The following RPUSD3 variants were observed in gnomAD, a reference collection of about 807,000 sequenced individuals.
RPUSD3 encodes the protein RNA pseudouridine synthase D3, also known as mitochondrial mRNA pseudouridine synthase RPUSD3.
A neutral mutation model predicts 35.1 loss-of-function variants in RPUSD3; 36 were observed. That is an observed-to-expected ratio of 1.02 (90% CI 0.79 to 1.35). The LOEUF is 1.35. RPUSD3 is among the 40% of genes most tolerant of loss of function. The pLI, the probability that RPUSD3 is intolerant of heterozygous loss-of-function variation, is 0.00. For missense variants in RPUSD3, 486 were observed against 441.9 expected, an observed-to-expected ratio of 1.10 and a Z score of -0.89; for synonymous variants, 202 against 187.8, an observed-to-expected ratio of 1.08 and a Z score of -0.62.
chr3:9,840,654 C>A, intron 5 of RPUSD3, 38 bp from the exon 6 acceptor site: 1 of 1,611,898 alleles, frequency 6.2e-7, no homozygotes, highest in Non-Finnish European at 8.5e-7. Context: ...GGGTGGCTTG[C>A]TGGGACCTCC....
At chr3:9,843,728 G>C in intron 1 of RPUSD3, 127 bp from the exon 2 acceptor site, 1 of 1,541,668 alleles carries the variant, frequency 6.5e-7, no homozygotes, top group East Asian at 2.4e-5. Flanking sequence ...GGCTGACCTC[G>C]AAAATTCAGG....
chr3:9,843,997 A>C (rs2082145192), exon 1 of RPUSD3: 1 of 1,590,980 alleles, frequency 6.3e-7, no homozygotes, highest in South Asian at 1.1e-5. Context: ...CCATCTCCCG[A>C]GCCAGGACAG....
In RPUSD3 at chr3:9,843,244, G is replaced by A. The variant is rs2082128699; in HGVS notation, c.262+221C>T. Reference sequence around the variant, plus strand: ...TAACTGAGCGCCGGCTATGTGCAAGGCTCGGTAGTTATTTGCATCTTCTCC... The same window carrying A: ...TAACTGAGCGCCGGCTATGTGCAAGACTCGGTAGTTATTTGCATCTTCTCC... On this transcript the variant is annotated intron_variant, in intron 2 of 8. Coordinates refer to ENST00000383820, the Ensembl canonical transcript of RPUSD3. The A allele has an allele frequency of 3.2e-6, 2 of 619,752 alleles. 1 individual carries two copies. The highest frequency in any genetic ancestry group is 4.1e-5 in the South Asian group (2 of 49,114). 38.4% of individuals were successfully genotyped at this position (619,752 alleles called of 1,614,324 possible). A position where few individuals can be genotyped will look rare whatever the true frequency, so the allele number is the denominator to read the frequency against.
exon 7 of RPUSD3, chr3:9,840,228 G>C (rs539420873): frequency 1.2e-6 from 2 of 1,614,040 alleles, no homozygotes; most frequent in South Asian, 2.2e-5. Flanking sequence ...AGAGCCTGTG[G>C]CTACCACACG....
At chr3:9,840,046 A>C in intron 7 of RPUSD3, 138 bp downstream of exon 7, 1 of 1,110,106 alleles carries the variant, frequency 9.0e-7, no homozygotes, top group Non-Finnish European at 1.3e-6. Context: ...GTGCCCAGCT[A>C]ATTTTTGTAG....
intron 8 of RPUSD3, 67 bp downstream of exon 8, chr3:9,838,965 G>C (rs1001769068): frequency 1.9e-6 from 3 of 1,609,442 alleles, no homozygotes; most frequent in African/African-American, 1.3e-5. Flanking sequence ...ATAAGGTCTG[G>C]AGATGCTGCC....
chr3:9,843,831 C>CA, intron 1 of RPUSD3, 59 bp downstream of exon 1: 3 of 1,560,028 alleles, frequency 1.9e-6, no homozygotes, highest in Non-Finnish European at 2.6e-6. Context: ...CCAGATCCCG[C>CA]ACGTGCCTTC....
At chr3:9,843,969 C>T in exon 1 of RPUSD3, 1 of 1,607,564 alleles carries the variant, frequency 6.2e-7, no homozygotes, top group Non-Finnish European at 8.5e-7. Context: ...CAGAACCGGC[C>T]CAAAACACGG....
intron 8 of RPUSD3, among the ~76,000 whole-genome samples, 171 bp from the exon 9 acceptor site, chr3:9,838,378 AC>A (rs1238655654): frequency 6.6e-6 from 1 of 152,116 alleles, no homozygotes; most frequent in Non-Finnish European, 1.5e-5. Context: ...AGGCACTCAC[AC>A]TGCAGCAGAG....
intron 8 of RPUSD3, 79 bp from the exon 9 acceptor site, chr3:9,838,286 T>A: frequency 7.0e-7 from 1 of 1,428,672 alleles, no homozygotes; most frequent in African/African-American, 1.4e-5. Context: ...GAAATGGGAG[T>A]AAGGCGGGCG....
At position 9,842,187 on chromosome 3, in the gene RPUSD3, C is replaced by T. The variant is rs1425002645; in HGVS notation, c.307+12G>A. ...TTCCGCTGCATTCCCTTCCCACATC[C>T]CCGGCCCATACCTGTCACTGGTAGA... On this transcript the variant is annotated intron_variant, in intron 3 of 8. Coordinates refer to ENST00000383820, the Ensembl canonical transcript of RPUSD3. 2 of 1,614,060 alleles carry T rather than the reference C, an allele frequency of 1.2e-6. No homozygotes were observed. The highest frequency in any genetic ancestry group is 1.7e-6 in the Non-Finnish European group (2 of 1,180,032).
chr3:9,838,270 C>G (rs973324764), intron 8 of RPUSD3, 63 bp from the exon 9 acceptor site: 1 of 1,548,516 alleles, frequency 6.5e-7, no homozygotes, highest in Non-Finnish European at 8.8e-7. Context: ...GTACCCAGCT[C>G]TAAGGGAAAT....
exon 6 of RPUSD3, chr3:9,840,596 G>A: frequency 6.2e-7 from 1 of 1,613,916 alleles, no homozygotes; most frequent in South Asian, 1.1e-5. Flanking sequence ...AGAAGCAGCT[G>A]GGATCCCATC....
chr3:9,843,999 C>G, exon 1 of RPUSD3: 1 of 1,590,958 alleles, frequency 6.3e-7, no homozygotes, highest in Non-Finnish European at 8.5e-7. Flanking sequence ...ATCTCCCGAG[C>G]CAGGACAGCG....
exon 2 of RPUSD3, chr3:9,843,470 C>A (rs2082132792): frequency 6.2e-7 from 1 of 1,613,842 alleles, no homozygotes; most frequent in African/African-American, 1.3e-5. Flanking sequence ...CTCACCTTTC[C>A]GGTCCACCAC....
exon 9 of RPUSD3, chr3:9,837,982 A>G: frequency 6.6e-7 from 1 of 1,517,848 alleles, no homozygotes; most frequent in South Asian, 1.2e-5. Context: ...CTCACTTTCC[A>G]GTGTGTGTGA....
At chr3:9,842,054 T>G (rs2082112284) in exon 4 of RPUSD3, 1 of 1,612,174 alleles carries the variant, frequency 6.2e-7, no homozygotes, top group Admixed American at 1.7e-5. Context: ...CTGGCAGCAC[T>G]GAGAACAACG....
exon 8 of RPUSD3, chr3:9,839,125 A>C (rs745484173): frequency 4.3e-6 from 7 of 1,614,032 alleles, no homozygotes; most frequent in African/African-American, 1.3e-5. Context: ...CCCCAAGCAC[A>C]GGGCAGAGCT....
At position 9,838,187 on chromosome 3, in the gene RPUSD3, G is replaced by A. The variant is rs772523424; in HGVS notation, c.885C>T (p.Leu295=). The change falls in exon 9 of 9, where the codon CTC becomes CTT. Residue 295 remains leucine, a synonymous_variant. Transcript: ENST00000383820. ...GGGAGGGGGTCAGGTGGAGGCGTCT[G>A]AGGAGGGCTTCATCCAGGACCTGGA... is the stretch of plus-strand genomic sequence containing the variant. 1.8e-5 allele frequency: 29 copies of A among 1,612,068 alleles called. No individual in the cohort carries two copies. In the Admixed American group the frequency reaches 3.0e-4, roughly 17 times the overall value.
Sources: allele counts gnomAD v4.1 joint callset (sites outside exome capture counted in the v4.1 genomes callset), GRCh38; gene constraint gnomAD v4.1.1; transcripts MANE v1.5; gene names NCBI Gene and HGNC (gene_info 2026-07-23, HGNC 2026-07-21).